The following TASP1 variants were observed in gnomAD, a reference collection of about 807,000 sequenced individuals.
The protein encoded by TASP1 is threonine aspartase 1.
In TASP1, 16 loss-of-function variants were observed where a neutral mutation model predicts 56.6. The ratio of observed to expected loss-of-function variants is 0.28; its 90% CI spans 0.19 to 0.43. The LOEUF is 0.43. TASP1 is among the 20% of genes least tolerant of loss of function. TASP1 has a pLI of 1.00. For missense variants in TASP1, 393 were observed against 511.6 expected (o/e 0.77, Z 2.24); for synonymous variants, 179 against 184.2 (o/e 0.97, Z 0.23).
At chr20:13,494,328 C>T (rs2043644905) in intron 10 of TASP1, among the ~76,000 whole-genome samples, 1 of 152,112 alleles carries the variant, frequency 6.6e-6, no homozygotes. Context: ...ATATTTACCA[C>T]TGAATGTAGT....
chr20:13,536,488 G>A (rs751610299), intron 8 of TASP1, among the ~76,000 whole-genome samples: 3 of 152,092 alleles, frequency 2.0e-5, no homozygotes, highest in East Asian at 1.9e-4. Context: ...ACTTTGAATA[G>A]CAAACAAATC....
the TASP1 span, among the ~76,000 whole-genome samples, chr20:13,335,943 T>A: frequency 6.6e-6 from 1 of 152,068 alleles, no homozygotes; most frequent in African/African-American, 2.4e-5. Flanking sequence ...TTCCCGGAAC[T>A]AAAAGAATAA....
intron 12 of TASP1, among the ~76,000 whole-genome samples, chr20:13,425,662 T>A (rs1010820414): frequency 6.6e-6 from 1 of 152,176 alleles, no homozygotes. Flanking sequence ...CTGGGACATT[T>A]TGCACAGTAT....
the TASP1 span, among the ~76,000 whole-genome samples, chr20:13,220,194 A>G: frequency 6.6e-6 from 1 of 152,180 alleles, no homozygotes; most frequent in Admixed American, 6.5e-5. Context: ...GGGGAAGCGC[A>G]GTATAAAAGT....
chr20:13,274,539 G>T, the TASP1 span, among the ~76,000 whole-genome samples: 1 of 152,018 alleles, frequency 6.6e-6, no homozygotes, highest in Non-Finnish European at 1.5e-5. Flanking sequence ...CTTCCCCTCC[G>T]CACCTCCCCA....
chr20:13,531,788 C>T (rs144799446), intron 9 of TASP1, among the ~76,000 whole-genome samples: 5 of 152,162 alleles, frequency 3.3e-5, no homozygotes, highest in Admixed American at 1.3e-4. Flanking sequence ...CTTATCCCCC[C>T]CAACTGGCTG....
intron 8 of TASP1, among the ~76,000 whole-genome samples, chr20:13,539,624 A>C (rs1418244143): frequency 6.6e-6 from 1 of 152,212 alleles, no homozygotes; most frequent in East Asian, 1.9e-4. Context: ...AATTAACAGA[A>C]GCATTTTCAG....
intron 10 of TASP1, among the ~76,000 whole-genome samples, chr20:13,511,534 C>T (rs1260936352): frequency 6.6e-6 from 1 of 152,086 alleles, no homozygotes; most frequent in African/African-American, 2.4e-5. Context: ...TACACCAATC[C>T]AAACTTAAAC....
chr20:13,425,344 A>G (rs573498237), intron 12 of TASP1, among the ~76,000 whole-genome samples: 28 of 152,340 alleles, frequency 1.8e-4, no homozygotes, highest in Non-Finnish European at 3.5e-4. Flanking sequence ...AAATTAAGTC[A>G]GACAAAACCA....
At chr20:13,576,363 AAGAAAGAAAGAAAG>A (rs199983652) in intron 6 of TASP1, among the ~76,000 whole-genome samples, 2,074 of 123,270 alleles carry the variant, frequency 0.017, 37 homozygotes, top group East Asian at 0.11. Flanking sequence ...GAAAGAAAGA[AAGAAAGAAAGAAAG>A]AAAGAAAGAA....
chr20:13,213,287 T>A, the TASP1 span, among the ~76,000 whole-genome samples: 1 of 152,180 alleles, frequency 6.6e-6, no homozygotes, highest in Non-Finnish European at 1.5e-5. Flanking sequence ...TTGTGCTTTT[T>A]AAAAAATGCA....
chr20:13,444,553 AAT>A (rs991973314), intron 11 of TASP1, among the ~76,000 whole-genome samples: 66 of 152,246 alleles, frequency 4.3e-4, no homozygotes, highest in African/African-American at 1.5e-3. Flanking sequence ...AAAGATTATA[AAT>A]ATATTATTTA....
chr20:13,500,712 C>T (rs1222447598), intron 10 of TASP1, among the ~76,000 whole-genome samples: 1 of 151,656 alleles, frequency 6.6e-6, no homozygotes, highest in Non-Finnish European at 1.5e-5. Context: ...GAGAAATTAT[C>T]CAAACTGAAA....
chr20:13,139,963 G>T, the TASP1 span, among the ~76,000 whole-genome samples: 1 of 152,150 alleles, frequency 6.6e-6, no homozygotes, highest in Non-Finnish European at 1.5e-5. Flanking sequence ...CTTTTTCACA[G>T]AACTCATTCC....
the TASP1 span, among the ~76,000 whole-genome samples, chr20:13,331,188 A>G: frequency 6.6e-6 from 1 of 152,092 alleles, no homozygotes; most frequent in African/African-American, 2.4e-5. Context: ...CAATTTTGAT[A>G]TGTTGTATTT....
chr20:13,496,488 A>T (rs2043735182), intron 10 of TASP1, among the ~76,000 whole-genome samples: 1 of 57,314 alleles, frequency 1.7e-5, no homozygotes, highest in Non-Finnish European at 4.5e-5. Flanking sequence ...TCCTACTTAA[A>T]AAAAAAAAAA....
intron 8 of TASP1, among the ~76,000 whole-genome samples, chr20:13,536,854 T>C (rs1011752112): frequency 2.6e-5 from 4 of 151,860 alleles, no homozygotes; most frequent in African/African-American, 7.2e-5. Context: ...ATAAATATTA[T>C]ATATATTTAT....
At chr20:13,258,126 A>G in the TASP1 span, among the ~76,000 whole-genome samples, 4 of 152,056 alleles carry the variant, frequency 2.6e-5, no homozygotes, top group Admixed American at 6.5e-5. Context: ...GTGTCCCCCA[A>G]ACATTCCGTT....
At chr20:13,254,458 G>GC in the TASP1 span, among the ~76,000 whole-genome samples, 9,733 of 152,078 alleles carry the variant, frequency 0.064, 388 homozygotes, top group African/African-American at 0.11. Context: ...CAAAATACCT[G>GC]CCCCCCGCAT....
Sources: gnomAD v4.1 joint callset for allele counts (sites outside exome capture counted in the v4.1 genomes callset) on GRCh38, gnomAD v4.1.1 for gene constraint, MANE v1.5 for transcripts, NCBI Gene and HGNC (gene_info 2026-07-23, HGNC 2026-07-21) for gene names.